OTUD7A: variants seen among roughly 807,000 people sequenced by gnomAD.
The protein encoded by OTUD7A is OTU domain-containing protein 7A.
Under a neutral mutation model 65.7 loss-of-function variants are expected in OTUD7A, and 12 were observed. The observed-to-expected ratio is 0.18, with a 90% CI of 0.12 to 0.30. OTUD7A has a LOEUF of 0.30. Ranked by LOEUF, OTUD7A falls within the 10% of genes least tolerant of loss-of-function variation. OTUD7A has a pLI of 1.00. For synonymous variants in OTUD7A, 641 were observed against 586.3 expected, an observed-to-expected ratio of 1.09 and a Z score of -1.35; for missense variants, 1,148 against 1,304.8, an observed-to-expected ratio of 0.88 and a Z score of 1.85.
rs149145266 is a variant in OTUD7A at position 31,743,426 on chromosome 15, T to C, written c.-99-86349A>G. On this transcript the variant is annotated intron_variant, in intron 1 of 12. Transcript: ENST00000307050. ...TAAACTTGAAGATAATAAAAACATA[T>C]AATTTTGGTAATGCAGCTAAACTGT... 3.4e-3 allele frequency among the ~76,000 whole-genome samples: 514 copies of C among 152,212 alleles called. 17 individuals are homozygous for C. The highest frequency in any genetic ancestry group is 0.032 in the Admixed American group (484 of 15,290).
At chr15:31,565,652 C>A (rs1490961772) in intron 4 of OTUD7A, among the ~76,000 whole-genome samples, 1 of 152,126 alleles carries the variant, frequency 6.6e-6, no homozygotes, top group Non-Finnish European at 1.5e-5. Flanking sequence ...GAGGGTGAGA[C>A]CCTGTGAAAC....
chr15:31,664,067 CATTG>C (rs1892249965), intron 1 of OTUD7A, among the ~76,000 whole-genome samples: 1 of 152,212 alleles, frequency 6.6e-6, no homozygotes, highest in Admixed American at 6.5e-5. Context: ...TTTATCCACT[CATTG>C]ATTGATGGCA....
At chr15:31,822,977 T>C (rs1896721856) in intron 1 of OTUD7A, among the ~76,000 whole-genome samples, 1 of 151,568 alleles carries the variant, frequency 6.6e-6, no homozygotes. Flanking sequence ...CTACAGAGAG[T>C]AAAATGGGGC....
chr15:31,822,178 G>C (rs1022268579), intron 1 of OTUD7A, among the ~76,000 whole-genome samples: 2 of 152,174 alleles, frequency 1.3e-5, no homozygotes, highest in East Asian at 3.9e-4. Flanking sequence ...GTAGCTCTCT[G>C]AAGTGAGGCA....
intron 1 of OTUD7A, among the ~76,000 whole-genome samples, chr15:31,867,094 C>A (rs1229152810): frequency 6.6e-6 from 1 of 152,152 alleles, no homozygotes; most frequent in Non-Finnish European, 1.5e-5. Context: ...AAACACCCAT[C>A]CCAACTCACC....
intron 8 of OTUD7A, among the ~76,000 whole-genome samples, chr15:31,509,787 CTTT>C (rs1291787368): frequency 1.3e-4 from 20 of 151,072 alleles, no homozygotes; most frequent in African/African-American, 2.2e-4. Context: ...TTTTTTATAA[CTTT>C]TTATGACTTT....
chr15:31,581,331 G>C (rs186757603), intron 3 of OTUD7A, among the ~76,000 whole-genome samples: 1 of 152,334 alleles, frequency 6.6e-6, no homozygotes, highest in East Asian at 1.9e-4. Flanking sequence ...AGTGCAAGCT[G>C]TTGGTGGATC....
chr15:31,675,985 G>C (rs1892587288), intron 1 of OTUD7A, among the ~76,000 whole-genome samples: 1 of 152,116 alleles, frequency 6.6e-6, no homozygotes, highest in South Asian at 2.1e-4. Flanking sequence ...AATCAATACA[G>C]AATTTTTTGT....
chr15:31,703,271 TG>T (rs574331878), intron 1 of OTUD7A, among the ~76,000 whole-genome samples: 29 of 152,318 alleles, frequency 1.9e-4, no homozygotes, highest in African/African-American at 6.0e-4. Context: ...TTGAACTTTT[TG>T]TTCTGTGAAA....
intron 3 of OTUD7A, among the ~76,000 whole-genome samples, chr15:31,580,402 T>G (rs562891803): frequency 2.0e-5 from 3 of 152,316 alleles, no homozygotes; most frequent in South Asian, 4.1e-4. Context: ...ATTTTTAATT[T>G]AGAAAATAAA....
At chr15:31,653,325 A>G (rs954134927) in intron 3 of OTUD7A, among the ~76,000 whole-genome samples, 5 of 152,160 alleles carry the variant, frequency 3.3e-5, no homozygotes, top group African/African-American at 1.2e-4. Flanking sequence ...AAATGTTTCT[A>G]GAAGCTCTAG....
intron 1 of OTUD7A, among the ~76,000 whole-genome samples, chr15:31,834,084 T>C (rs1896998520): frequency 6.6e-6 from 1 of 152,250 alleles, no homozygotes; most frequent in African/African-American, 2.4e-5. Context: ...AGAGTAATAT[T>C]CTTTAGCTTT....
At position 31,574,836 on chromosome 15, in the gene OTUD7A, T is replaced by TTTCC. The variant is rs574077778; in HGVS notation, c.152-4643_152-4640dup. The stretch of plus-strand genomic sequence containing the variant: ...AAGCCCAGACCCCTCAACCACAGCC[T>TTTCC]TTCCTACACTGCAGGCCAATATTCC... On this transcript the variant is annotated intron_variant, in intron 3 of 12. Coordinates refer to ENST00000307050, the MANE Select transcript of OTUD7A (RefSeq NM_001382637.1). Among the ~76,000 whole-genome samples the TTTCC allele has an allele frequency of 5.7e-4, 87 of 152,182 alleles. 1 individual carries two copies. The South Asian group carries it at 0.017, about 31-fold the overall frequency.
intron 1 of OTUD7A, among the ~76,000 whole-genome samples, chr15:31,691,234 A>T (rs549189792): frequency 3.4e-4 from 52 of 152,240 alleles, no homozygotes; most frequent in Non-Finnish European, 6.3e-4. Flanking sequence ...GAAACAGAAA[A>T]AAGCCTGAAA....
chr15:31,865,840 G>A (rs1470938407), intron 1 of OTUD7A, among the ~76,000 whole-genome samples: 1 of 152,148 alleles, frequency 6.6e-6, no homozygotes, highest in Non-Finnish European at 1.5e-5. Flanking sequence ...TAAAACAAAT[G>A]AAACGCTGAA....
chr15:31,625,566 T>C (rs780641088), intron 3 of OTUD7A, among the ~76,000 whole-genome samples: 15 of 152,128 alleles, frequency 9.9e-5, no homozygotes, highest in Non-Finnish European at 2.1e-4. Flanking sequence ...ATGAACACAA[T>C]TGAAAAGGTC....
intron 1 of OTUD7A, among the ~76,000 whole-genome samples, chr15:31,659,046 AATAAATAAATAAATAAAT>A (rs1370918293): frequency 1.8e-4 from 10 of 56,082 alleles, no homozygotes; most frequent in Admixed American, 6.8e-4. Context: ...TGAATGAATA[AATAAATAAATAAATAAAT>A]AAATAAATAA....
intron 1 of OTUD7A, among the ~76,000 whole-genome samples, chr15:31,827,872 T>C (rs773953116): frequency 4.6e-5 from 7 of 151,936 alleles, no homozygotes; most frequent in South Asian, 2.1e-4. Flanking sequence ...GGGTTAGAGG[T>C]TGCAGTGAGC....
chr15:31,826,056 T>C (rs1019252881), intron 1 of OTUD7A, among the ~76,000 whole-genome samples: 2 of 152,306 alleles, frequency 1.3e-5, no homozygotes, highest in East Asian at 3.9e-4. Context: ...TCCAGGCCCA[T>C]AGTACAAGCT....
Sources: allele counts gnomAD v4.1 joint callset (sites outside exome capture counted in the v4.1 genomes callset), GRCh38; gene constraint gnomAD v4.1.1; transcripts MANE v1.5; gene names NCBI Gene and HGNC (gene_info 2026-07-23, HGNC 2026-07-21).